BTBD9: variants seen among roughly 807,000 people sequenced by gnomAD.
BTBD9 encodes the protein BTB domain containing 9.
In BTBD9, 49 loss-of-function variants were observed where a neutral mutation model predicts 64.3. The ratio of observed to expected loss-of-function variants is 0.76; its 90% CI spans 0.61 to 0.97. The LOEUF (loss-of-function observed/expected upper bound fraction) is 0.97, where lower values mean the gene tolerates loss of function less well. Ranked by LOEUF, BTBD9 falls within the 50% of genes least tolerant of loss-of-function variation. The pLI is 0.00. For synonymous variants in BTBD9, 260 were observed against 274.7 expected, an observed-to-expected ratio of 0.95 and a Z score of 0.53; for missense variants, 598 against 762.1, an observed-to-expected ratio of 0.78 and a Z score of 2.53.
intron 8 of BTBD9, among the ~76,000 whole-genome samples, chr6:38,274,075 C>T (rs950855413): frequency 6.6e-6 from 1 of 152,180 alleles, no homozygotes; most frequent in Non-Finnish European, 1.5e-5. Flanking sequence ...AAGAAATGGT[C>T]GAAGGAAGAG....
At chr6:38,379,211 G>C (rs1765824326) in intron 6 of BTBD9, among the ~76,000 whole-genome samples, 1 of 152,110 alleles carries the variant, frequency 6.6e-6, no homozygotes, top group Admixed American at 6.5e-5. Context: ...CCTGAACAAA[G>C]TCCAGACTCC....
chr6:38,418,786 G>A (rs189347972), intron 6 of BTBD9, among the ~76,000 whole-genome samples: 275 of 152,098 alleles, frequency 1.8e-3, no homozygotes, highest in Admixed American at 3.2e-3. Context: ...TACTCCCTTG[G>A]GGCAATATCA....
chr6:38,232,369 C>T (rs1050432309), intron 9 of BTBD9, among the ~76,000 whole-genome samples: 2 of 151,920 alleles, frequency 1.3e-5, no homozygotes, highest in East Asian at 1.9e-4. Flanking sequence ...CTCCCGGGTT[C>T]ACGCCATTCT....
chr6:38,574,303 G>A (rs1040265993), intron 6 of BTBD9, among the ~76,000 whole-genome samples: 1 of 152,066 alleles, frequency 6.6e-6, no homozygotes, highest in Non-Finnish European at 1.5e-5. Context: ...TAGATGAGTG[G>A]CAAATCTTAT....
At chr6:38,450,527 A>C (rs4714162) in intron 6 of BTBD9, among the ~76,000 whole-genome samples, 34,242 of 152,006 alleles carry the variant, frequency 0.23, 4,415 homozygotes, top group East Asian at 0.51. Flanking sequence ...GATAAATACA[A>C]ACAATTTTAT....
chr6:38,269,001 ATAGT>A lies in BTBD9; in HGVS notation c.1455-12489_1455-12486del, dbSNP rs375571084. ...TCCTCTAATGGACTTCTTTCATGAA[ATAGT>A]TAGTGAAGGCTCTCACATGAAAACA... On this transcript the variant is annotated intron_variant, in intron 8 of 10. Coordinates refer to ENST00000481247, the MANE Select transcript of BTBD9 (RefSeq NM_001099272.2). Among the ~76,000 whole-genome samples, 28 of 152,334 alleles carry A rather than the reference ATAGT, an allele frequency of 1.8e-4. No homozygotes were observed. In the East Asian group the frequency reaches 5.4e-3, roughly 29 times the overall value.
In BTBD9 at chr6:38,256,391, T is replaced by G. The variant is rs572671924; in HGVS notation, c.1562+18A>C. On this transcript the variant is annotated intron_variant, in intron 9 of 10. Coordinates refer to ENST00000481247, the MANE Select transcript of BTBD9 (RefSeq NM_001099272.2). ...TGTCTTTTCAATAGGAATAAATTCC[T>G]GAAAAGACACAACTTACTTGCAGGA... The G allele has an allele frequency of 6.3e-7, 1 of 1,579,788 alleles. No homozygotes were observed.
intron 6 of BTBD9, among the ~76,000 whole-genome samples, chr6:38,563,353 T>C (rs2127458311): frequency 6.6e-6 from 1 of 152,230 alleles, no homozygotes; most frequent in African/African-American, 2.4e-5. Flanking sequence ...AGAACACATC[T>C]CAAATCCACT....
chr6:38,249,426 T>G lies in BTBD9; in HGVS notation c.1562+6983A>C, dbSNP rs1298354037. On this transcript the variant is annotated intron_variant, in intron 9 of 10. Coordinates refer to ENST00000481247, the MANE Select transcript of BTBD9 (RefSeq NM_001099272.2). ...GTGCCATGATATCTGGCTAATTTTTTTTTCACATTTTATTTATTTGGTAGA... is the reference window on the plus strand; with the variant it reads ...GTGCCATGATATCTGGCTAATTTTTGTTTCACATTTTATTTATTTGGTAGA... Among the ~76,000 whole-genome samples the G allele has an allele frequency of 2.0e-5, 3 of 152,258 alleles. No homozygotes were observed. The East Asian group carries it at 5.8e-4, about 29-fold the overall frequency.
intron 6 of BTBD9, among the ~76,000 whole-genome samples, chr6:38,505,382 T>C (rs932177149): frequency 2.0e-5 from 3 of 152,078 alleles, no homozygotes; most frequent in African/African-American, 4.8e-5. Context: ...CCCAGCACTT[T>C]GGGAGGCCAA....
chr6:38,567,891 C>CA (rs1041633824), intron 6 of BTBD9, among the ~76,000 whole-genome samples: 77 of 149,104 alleles, frequency 5.2e-4, no homozygotes, highest in African/African-American at 1.6e-3. Context: ...CTAACACTGG[C>CA]AAAAAAAAAT....
At chr6:38,344,950 A>C in intron 7 of BTBD9, 34 bp downstream of exon 7, 1 of 1,357,372 alleles carries the variant, frequency 7.4e-7, no homozygotes, top group Non-Finnish European at 1.0e-6. Context: ...AAAATATCCA[A>C]ATATACATAC....
At chr6:38,501,366 C>A (rs534559065) in intron 6 of BTBD9, among the ~76,000 whole-genome samples, 20 of 152,224 alleles carry the variant, frequency 1.3e-4, no homozygotes, top group East Asian at 5.8e-4. Context: ...ATTCCAAAAT[C>A]AAAAAAAGTT....
intron 8 of BTBD9, among the ~76,000 whole-genome samples, chr6:38,281,732 TACTC>T (rs1437659674): frequency 6.6e-6 from 1 of 152,236 alleles, no homozygotes; most frequent in East Asian, 1.9e-4. Context: ...AACTTCTTAA[TACTC>T]ACAACACCCA....
At chr6:38,313,450 T>C (rs1762916081) in intron 7 of BTBD9, among the ~76,000 whole-genome samples, 1 of 152,242 alleles carries the variant, frequency 6.6e-6, no homozygotes, top group South Asian at 2.1e-4. Flanking sequence ...GACATCCTTG[T>C]CATGTTCCCG....
chr6:38,516,151 G>A (rs978747767), intron 6 of BTBD9, among the ~76,000 whole-genome samples: 1 of 151,968 alleles, frequency 6.6e-6, no homozygotes, highest in Non-Finnish European at 1.5e-5. Flanking sequence ...CTCACCTCAG[G>A]GCAGGAAACA....
chr6:38,286,493 G>GATATAC (rs1390330069), intron 8 of BTBD9, among the ~76,000 whole-genome samples: 1 of 152,082 alleles, frequency 6.6e-6, no homozygotes, highest in African/African-American at 2.4e-5. Flanking sequence ...GGCAGGCTAA[G>GATATAC]ATATACATAT....
At chr6:38,348,023 C>T (rs1010330483) in intron 6 of BTBD9, among the ~76,000 whole-genome samples, 3 of 151,936 alleles carry the variant, frequency 2.0e-5, no homozygotes, top group Non-Finnish European at 2.9e-5. Context: ...ACAAAAAAGG[C>T]GCTGTCCAGC....
At chr6:38,228,341 T>TC (rs756495862) in intron 9 of BTBD9, among the ~76,000 whole-genome samples, 1,630 of 66,920 alleles carry the variant, frequency 0.024, 168 homozygotes, top group Middle Eastern at 0.068. Flanking sequence ...CAAGACCCTG[T>TC]CCCCCCCCCC....
Sources: allele counts gnomAD v4.1 joint callset (sites outside exome capture counted in the v4.1 genomes callset), GRCh38; gene constraint gnomAD v4.1.1; transcripts MANE v1.5; gene names NCBI Gene and HGNC (gene_info 2026-07-23, HGNC 2026-07-21).